Variants in AUTS2 observed in about 807,000 individuals in gnomAD.
AUTS2 encodes activator of transcription and developmental regulator AUTS2, also known as autism susceptibility gene 2 protein.
Under a neutral mutation model 112.4 loss-of-function variants are expected in AUTS2, and 17 were observed. That is an observed-to-expected ratio of 0.15 (90% confidence interval 0.10 to 0.23). The LOEUF (loss-of-function observed/expected upper bound fraction) is 0.23, where lower values mean the gene tolerates loss of function less well. Among genes scored for constraint, AUTS2 ranks in the 10% least tolerant of loss-of-function variants. The pLI, the probability that AUTS2 is intolerant of heterozygous loss-of-function variation, is 1.00. For synonymous variants in AUTS2, 751 were observed against 702.7 expected, an observed-to-expected ratio of 1.07 and a Z score of -1.09; for missense variants, 1,510 against 1,701.6, an observed-to-expected ratio of 0.89 and a Z score of 1.98.
At chr7:70,148,396 A>T (rs369480233) in intron 4 of AUTS2, among the ~76,000 whole-genome samples, 4 of 152,156 alleles carry the variant, frequency 2.6e-5, no homozygotes, top group African/African-American at 9.6e-5. Context: ...AATACTCAAA[A>T]CAATCATCCT....
intron 3 of AUTS2, among the ~76,000 whole-genome samples, chr7:70,131,522 T>C (rs1321876744): frequency 6.6e-6 from 1 of 152,168 alleles, no homozygotes; most frequent in Non-Finnish European, 1.5e-5. Flanking sequence ...TCTTCTAAAA[T>C]GAGAAAGCAG....
At chr7:70,451,630 A>G (rs1029748516) in intron 5 of AUTS2, among the ~76,000 whole-genome samples, 3 of 152,176 alleles carry the variant, frequency 2.0e-5, no homozygotes, top group African/African-American at 7.2e-5. Flanking sequence ...TAAACCTCAT[A>G]AGAAACACCC....
intron 4 of AUTS2, among the ~76,000 whole-genome samples, chr7:70,394,027 T>C (rs1793979713): frequency 6.6e-6 from 1 of 152,236 alleles, no homozygotes; most frequent in Non-Finnish European, 1.5e-5. Context: ...CTGCTGGTTG[T>C]TATTGCCTGG....
intron 1 of AUTS2, among the ~76,000 whole-genome samples, chr7:69,893,397 T>C (rs928532614): frequency 6.6e-6 from 1 of 152,288 alleles, no homozygotes; most frequent in Admixed American, 6.5e-5. Flanking sequence ...GAATCAGTGT[T>C]TGTAAAACCA....
intron 4 of AUTS2, among the ~76,000 whole-genome samples, chr7:70,256,817 A>G (rs761075273): frequency 2.0e-5 from 3 of 152,236 alleles, no homozygotes; most frequent in Non-Finnish European, 4.4e-5. Flanking sequence ...CATCATGGAC[A>G]GAGATAGAAA....
At chr7:69,672,855 T>C (rs965045527) in intron 1 of AUTS2, among the ~76,000 whole-genome samples, 1 of 152,218 alleles carries the variant, frequency 6.6e-6, no homozygotes, top group Non-Finnish European at 1.5e-5. Context: ...ATTGATTTAG[T>C]TCTTTGCTGG....
At chr7:70,090,201 T>C (rs1408687580) in intron 2 of AUTS2, among the ~76,000 whole-genome samples, 2 of 151,782 alleles carry the variant, frequency 1.3e-5, no homozygotes, top group African/African-American at 4.8e-5. Flanking sequence ...TCAAGTGATA[T>C]ACTACCCATT....
intron 1 of AUTS2, among the ~76,000 whole-genome samples, chr7:69,878,922 C>T (rs191009511): frequency 2.6e-5 from 4 of 152,256 alleles, no homozygotes; most frequent in South Asian, 2.1e-4. Flanking sequence ...ATTGCTGAGG[C>T]TCTTTCTGTG....
chr7:70,094,267 G>T (rs1307594578), intron 2 of AUTS2, among the ~76,000 whole-genome samples: 1 of 152,174 alleles, frequency 6.6e-6, no homozygotes, highest in Non-Finnish European at 1.5e-5. Flanking sequence ...CATGCTTGTT[G>T]CATTTTGCTG....
At chr7:70,294,278 G>A (rs1384052957) in intron 4 of AUTS2, 1 of 152,172 alleles carries the variant, frequency 6.6e-6, no homozygotes, top group Non-Finnish European at 1.5e-5. Context: ...GGAATAAGTT[G>A]CACAGCAAGA....
At chr7:70,242,546 G>A (rs530059645) in intron 4 of AUTS2, among the ~76,000 whole-genome samples, 5 of 152,298 alleles carry the variant, frequency 3.3e-5, no homozygotes, top group Admixed American at 3.3e-4. Flanking sequence ...CTGACATGCA[G>A]TAGGCACTCA....
intron 1 of AUTS2, among the ~76,000 whole-genome samples, chr7:69,828,966 G>A (rs1382098110): frequency 1.3e-5 from 2 of 152,114 alleles, no homozygotes; most frequent in Non-Finnish European, 2.9e-5. Flanking sequence ...AGTATAGGAG[G>A]CATCATGCTA....
At position 69,732,890 on chromosome 7, in the gene AUTS2, G is replaced by A. The variant is rs527545330; in HGVS notation, c.309+132928G>A. ...TGCAAGGTTTGTGCTTTTAGGAAGA[G>A]GGTATTGTTTCTCATAGGAGAGTAG... On this transcript the variant is annotated intron_variant, in intron 1 of 18. Transcript: ENST00000342771. Among the ~76,000 whole-genome samples the A allele has an allele frequency of 3.3e-5, 5 of 152,304 alleles. No individual in the cohort carries two copies. The East Asian group carries it at 9.7e-4, about 29-fold the overall frequency.
At position 69,731,944 on chromosome 7, in the gene AUTS2, C is replaced by T. The variant is rs143705212; in HGVS notation, c.309+131982C>T. 4.6e-5 allele frequency among the ~76,000 whole-genome samples: 7 copies of T among 152,114 alleles called. No individual in the cohort carries two copies. The East Asian group carries it at 5.8e-4, about 13-fold the overall frequency. Reference sequence around the variant, plus strand: ...GGTAACAAGTTTCTTGTGAAGATTACGTTAAATAATGCATTAGGAAGCACT... The same window carrying T: ...GGTAACAAGTTTCTTGTGAAGATTATGTTAAATAATGCATTAGGAAGCACT... On this transcript the variant is annotated intron_variant, in intron 1 of 18. Coordinates refer to ENST00000342771, the MANE Select transcript of AUTS2 (RefSeq NM_015570.4).
chr7:70,122,865 C>CTTT (rs11297258), intron 3 of AUTS2, among the ~76,000 whole-genome samples: 21 of 93,046 alleles, frequency 2.3e-4, no homozygotes, highest in Non-Finnish European at 3.1e-4. Context: ...GAGATGAAAG[C>CTTT]TTTTTTTTTT....
intron 5 of AUTS2, among the ~76,000 whole-genome samples, chr7:70,500,228 C>T (rs1219264625): frequency 6.6e-6 from 1 of 152,006 alleles, no homozygotes; most frequent in Admixed American, 6.6e-5. Flanking sequence ...TCAGGACACC[C>T]CAGTCAGTGG....
At chr7:70,390,575 A>T (rs73442733) in intron 4 of AUTS2, among the ~76,000 whole-genome samples, 2,441 of 152,100 alleles carry the variant, frequency 0.016, 85 homozygotes, top group African/African-American at 0.056. Context: ...AGGGCTCTAG[A>T]GGGACTTGAA....
chr7:70,589,569 C>T (rs574293689), intron 5 of AUTS2, among the ~76,000 whole-genome samples: 4 of 152,206 alleles, frequency 2.6e-5, no homozygotes, highest in African/African-American at 7.2e-5. Context: ...CAAAAATTAG[C>T]GGGATGCGGT....
intron 1 of AUTS2, among the ~76,000 whole-genome samples, chr7:69,649,254 C>T (rs1431193332): frequency 6.6e-6 from 1 of 152,134 alleles, no homozygotes; most frequent in Admixed American, 6.5e-5. Flanking sequence ...AAAACAAAAA[C>T]GGAGTTTGTC....
Sources: gnomAD v4.1 joint callset for allele counts (sites outside exome capture counted in the v4.1 genomes callset) on GRCh38, gnomAD v4.1.1 for gene constraint, MANE v1.5 for transcripts, NCBI Gene and HGNC (gene_info 2026-07-23, HGNC 2026-07-21) for gene names.